Variants in TBC1D8 observed in about 807,000 individuals in gnomAD.
TBC1D8 encodes the protein BUB2-like protein 1.
TBC1D8 carries 65 observed loss-of-function variants against 118.8 expected under a neutral mutation model. The ratio of observed to expected loss-of-function variants is 0.55; its 90% CI spans 0.45 to 0.67. TBC1D8 has a LOEUF of 0.67. TBC1D8 is among the 30% of genes least tolerant of loss of function. The pLI is 0.00. For synonymous variants in TBC1D8, 566 were observed against 595.8 expected (o/e 0.95, Z 0.73); for missense variants, 1,376 against 1,471.2 (o/e 0.94, Z 1.06).
chr2:101,151,263 C>CCGGCCG lies in TBC1D8; in HGVS notation c.-16_-11dup. 1 of 1,141,266 alleles carries CCGGCCG rather than the reference C, an allele frequency of 8.8e-7. No individual in the cohort carries two copies. The highest frequency in any genetic ancestry group is 3.3e-5 in the South Asian group (1 of 30,306). 70.7% of individuals were successfully genotyped at this position (1,141,266 alleles called of 1,614,324 possible). A position where few individuals can be genotyped will look rare whatever the true frequency, so the allele number is the denominator to read the frequency against. On this transcript the variant is annotated 5_prime_UTR_variant, in exon 1 of 20. Transcript: ENST00000409318. ...CGGGCTTGAGCCACATCGCGGCGGT[C>CCGGCCG]CGGCCGCGCCCGCCGGCCCCAGCTC...
rs77702854 is a variant in TBC1D8, at chr2:101,110,568, G to A, written c.128-20204C>T. Among the ~76,000 whole-genome samples, 872 of 152,260 alleles carry A rather than the reference G, an allele frequency of 5.7e-3. 8 individuals carry two copies. Among genetic ancestry groups the A allele is most frequent in the African/African-American group, 0.019 (800 of 41,538 alleles). ...GTTAAACAGTGATGGCTCCTTCACG[G>A]TACACCACAAGCCACTGTGGGGAAA... On this transcript the variant is annotated intron_variant, in intron 1 of 19. Coordinates refer to ENST00000409318, the MANE Select transcript of TBC1D8 (RefSeq NM_001330348.2).
chr2:101,047,715 CA>C (rs1295848073), intron 5 of TBC1D8, among the ~76,000 whole-genome samples: 8 of 152,244 alleles, frequency 5.3e-5, no homozygotes, highest in African/African-American at 1.9e-4. Flanking sequence ...GGCACCCTGG[CA>C]GCTCAGCCCT....
At chr2:101,018,997 G>C in intron 17 of TBC1D8, 6 of 1,612,242 alleles carry the variant, frequency 3.7e-6, no homozygotes, top group Non-Finnish European at 5.1e-6. Context: ...TTCTGTGCTA[G>C]TTTCTGTGCT....
intron 1 of TBC1D8, among the ~76,000 whole-genome samples, chr2:101,143,568 C>G (rs760600138): frequency 1.2e-4 from 19 of 152,138 alleles, no homozygotes; most frequent in Non-Finnish European, 2.5e-4. Flanking sequence ...TCCCCCGCCG[C>G]CCCTACCCCT....
chr2:101,111,410 A>T (rs1677575039), intron 1 of TBC1D8, among the ~76,000 whole-genome samples: 1 of 152,220 alleles, frequency 6.6e-6, no homozygotes. Context: ...TCCTGTGCCC[A>T]TCATGGCTGG....
intron 5 of TBC1D8, among the ~76,000 whole-genome samples, chr2:101,046,509 G>A (rs1681712043): frequency 6.6e-6 from 1 of 152,232 alleles, no homozygotes; most frequent in Non-Finnish European, 1.5e-5. Context: ...GCCTTCTCTT[G>A]CAAGGTGGGG....
chr2:101,108,531 G>A (rs565734887), intron 1 of TBC1D8, among the ~76,000 whole-genome samples: 7 of 152,254 alleles, frequency 4.6e-5, no homozygotes, highest in East Asian at 3.9e-4. Context: ...TGACAGGTGC[G>A]CGTCTCCGAG....
At chr2:101,037,833 G>A in intron 7 of TBC1D8, 125 bp from the exon 8 acceptor site, 4 of 1,206,008 alleles carry the variant, frequency 3.3e-6, no homozygotes, top group Middle Eastern at 2.4e-4. Context: ...TGACTCAGGG[G>A]GAAGACAGAC....
intron 10 of TBC1D8, chr2:101,032,650 A>G (rs925930919): frequency 7.5e-6 from 3 of 400,368 alleles, no homozygotes; most frequent in African/African-American, 5.9e-5. Flanking sequence ...GCAAGTCTTA[A>G]GGTTGGTTTA....
chr2:101,067,996 TC>T (rs1170002228), intron 2 of TBC1D8, among the ~76,000 whole-genome samples: 1 of 152,228 alleles, frequency 6.6e-6, no homozygotes, highest in African/African-American at 2.4e-5. Flanking sequence ...GAAGCCACTT[TC>T]TTTGCTCATC....
At chr2:101,050,728 C>T in intron 4 of TBC1D8, 87 bp from the exon 5 acceptor site, 1 of 1,515,062 alleles carries the variant, frequency 6.6e-7, no homozygotes, top group Non-Finnish European at 8.9e-7. Flanking sequence ...CCAAAGCTCT[C>T]CTTAGGCCGA....
chr2:101,131,850 T>C (rs776369898), intron 1 of TBC1D8, among the ~76,000 whole-genome samples: 11 of 152,106 alleles, frequency 7.2e-5, no homozygotes, highest in Non-Finnish European at 1.3e-4. Flanking sequence ...CAAATATAGT[T>C]GTTCAACAAG....
chr2:101,104,159 T>A (rs944615362), intron 1 of TBC1D8, among the ~76,000 whole-genome samples: 1 of 152,218 alleles, frequency 6.6e-6, no homozygotes, highest in African/African-American at 2.4e-5. Context: ...TAAGCCTAAA[T>A]AAATATGCAT....
At chr2:101,065,321 T>G (rs1558668388) in intron 2 of TBC1D8, among the ~76,000 whole-genome samples, 1 of 152,254 alleles carries the variant, frequency 6.6e-6, no homozygotes, top group African/African-American at 2.4e-5. Flanking sequence ...AACCATCTAC[T>G]GTCTAAATGC....
intron 17 of TBC1D8, among the ~76,000 whole-genome samples, chr2:101,012,240 G>A (rs1284392875): frequency 1.3e-5 from 2 of 152,178 alleles, no homozygotes; most frequent in African/African-American, 2.4e-5. Context: ...GTGTTCACAT[G>A]CAAACTTGTA....
chr2:101,136,322 C>T (rs2104268327), intron 1 of TBC1D8, among the ~76,000 whole-genome samples: 1 of 152,188 alleles, frequency 6.6e-6, no homozygotes, highest in East Asian at 1.9e-4. Flanking sequence ...TGGCACCTAC[C>T]CCTACCCTCA....
chr2:101,023,777 A>C, intron 15 of TBC1D8: 1 of 278,120 alleles, frequency 3.6e-6, no homozygotes. Context: ...CAATTCACAA[A>C]AGTCTGAAGT....
In TBC1D8 at chr2:101,102,474, C is replaced by A. The variant is rs1311961993; in HGVS notation, c.128-12110G>T. ...ATAAAAAGTTAAAAAAAAAAAAAAT[C>A]TCTTCAAGTATGAAAGGTCTAAGTA... On this transcript the variant is annotated intron_variant, in intron 1 of 19. Transcript: ENST00000409318. 1.1e-4 allele frequency among the ~76,000 whole-genome samples: 17 copies of A among 150,662 alleles called. No homozygotes were observed. The East Asian group carries it at 3.3e-3, about 30-fold the overall frequency.
chr2:101,059,281 T>G (rs1235944488), intron 3 of TBC1D8, 140 bp downstream of exon 3: 1 of 556,860 alleles, frequency 1.8e-6, no homozygotes, highest in Non-Finnish European at 3.2e-6. Context: ...AGACAGGTGA[T>G]AAATGAAACT....
Sources: allele counts gnomAD v4.1 joint callset (sites outside exome capture counted in the v4.1 genomes callset), GRCh38; gene constraint gnomAD v4.1.1; transcripts MANE v1.5; gene names NCBI Gene and HGNC (gene_info 2026-07-23, HGNC 2026-07-21).